Variants in PRKD1 observed in about 807,000 individuals in gnomAD.
PRKD1 encodes the protein serine/threonine-protein kinase D1.
In PRKD1, 63 loss-of-function variants were observed where a neutral mutation model predicts 95.9. That is an observed-to-expected ratio of 0.66 (90% CI 0.54 to 0.81). PRKD1 has a LOEUF of 0.81. Among genes scored for constraint, PRKD1 ranks in the 30% least tolerant of loss-of-function variants. PRKD1 has a pLI of 0.00. For missense variants in PRKD1, 1,048 were observed against 1,165.3 expected (o/e 0.90, Z 1.47); for synonymous variants, 425 against 423.1 (o/e 1.00, Z -0.05).
intron 1 of PRKD1, among the ~76,000 whole-genome samples, chr14:29,749,751 TA>T (rs998730406): frequency 2.0e-5 from 3 of 152,170 alleles, no homozygotes; most frequent in African/African-American, 7.2e-5. Flanking sequence ...AATTATTATA[TA>T]AGACAAGGAG....
intron 1 of PRKD1, among the ~76,000 whole-genome samples, chr14:29,754,832 G>A (rs1887625409): frequency 6.6e-6 from 1 of 152,032 alleles, no homozygotes; most frequent in African/African-American, 2.4e-5. Context: ...AATTTTTGAA[G>A]TTTAGTATTT....
intron 1 of PRKD1, among the ~76,000 whole-genome samples, chr14:29,911,416 G>A (rs1894709272): frequency 6.6e-6 from 1 of 152,102 alleles, no homozygotes; most frequent in Non-Finnish European, 1.5e-5. Flanking sequence ...TTAATAACTT[G>A]AATATTAAAT....
At chr14:29,757,656 AAAAT>A (rs1286736150) in intron 1 of PRKD1, among the ~76,000 whole-genome samples, 3 of 151,672 alleles carry the variant, frequency 2.0e-5, no homozygotes, top group African/African-American at 7.3e-5. Context: ...TTGGTTTTTA[AAAAT>A]AAACCAATTA....
At chr14:29,702,497 C>T (rs1048326656) in intron 2 of PRKD1, among the ~76,000 whole-genome samples, 1 of 151,988 alleles carries the variant, frequency 6.6e-6, no homozygotes, top group Non-Finnish European at 1.5e-5. Flanking sequence ...ACTTGCTACA[C>T]ATTTATCTCA....
At chr14:29,815,529 T>C (rs1469601791) in intron 1 of PRKD1, among the ~76,000 whole-genome samples, 1 of 152,184 alleles carries the variant, frequency 6.6e-6, no homozygotes, top group Non-Finnish European at 1.5e-5. Flanking sequence ...AGTCTAACCG[T>C]TATAAGATCC....
intron 1 of PRKD1, among the ~76,000 whole-genome samples, chr14:29,897,926 C>T (rs561612302): frequency 9.9e-5 from 15 of 152,162 alleles, no homozygotes; most frequent in African/African-American, 3.6e-4. Context: ...TTCTTGAAAA[C>T]AACCTTGTTA....
At chr14:29,668,724 A>T (rs45615933) in intron 2 of PRKD1, among the ~76,000 whole-genome samples, 3,967 of 152,300 alleles carry the variant, frequency 0.026, 144 homozygotes, top group African/African-American at 0.079. Flanking sequence ...TAAAATAACG[A>T]CAGATCTTCC....
intron 1 of PRKD1, among the ~76,000 whole-genome samples, chr14:29,729,546 TG>T (rs1319550878): frequency 6.6e-6 from 1 of 152,108 alleles, no homozygotes; most frequent in Non-Finnish European, 1.5e-5. Flanking sequence ...CTTTCTTTTT[TG>T]TTTGGTCTGG....
At chr14:29,579,878 T>G (rs1277600538) in intron 16 of PRKD1, among the ~76,000 whole-genome samples, 1 of 152,192 alleles carries the variant, frequency 6.6e-6, no homozygotes, top group East Asian at 1.9e-4. Context: ...TCCAAGCATG[T>G]GTTCTCAGAG....
At chr14:29,905,081 C>T (rs1031037146) in intron 1 of PRKD1, among the ~76,000 whole-genome samples, 20 of 152,146 alleles carry the variant, frequency 1.3e-4, no homozygotes, top group African/African-American at 4.8e-4. Flanking sequence ...AAATACATAC[C>T]AATGTACTTT....
At chr14:29,615,063 GACTT>G (rs1474798475) in intron 13 of PRKD1, among the ~76,000 whole-genome samples, 2 of 151,866 alleles carry the variant, frequency 1.3e-5, no homozygotes, top group African/African-American at 2.4e-5. Context: ...AGCAAGAAAA[GACTT>G]TAAAGTATAA....
intron 1 of PRKD1, among the ~76,000 whole-genome samples, chr14:29,751,752 C>T (rs952567662): frequency 4.6e-5 from 7 of 152,142 alleles, no homozygotes; most frequent in African/African-American, 1.4e-4. Flanking sequence ...TAAGTGCCCT[C>T]TCACTCTGAC....
chr14:29,718,384 T>G (rs1390141410), intron 2 of PRKD1, among the ~76,000 whole-genome samples: 1 of 124,106 alleles, frequency 8.1e-6, no homozygotes, highest in African/African-American at 4.0e-5. Context: ...TCTGCCATGA[T>G]TGCAAGTCTC....
Position 29,638,560 on chromosome 14 carries a change from C to G in PRKD1, c.914G>C (p.Arg305Thr). ...TGCACAACGTTTATGGCAGTTGAATCTGCAATCTAATCCCAGTGATTTTCA... is the reference window on the plus strand; with the variant it reads ...TGCACAACGTTTATGGCAGTTGAATGTGCAATCTAATCCCAGTGATTTTCA... Reference protein sequence around the residue: ...FRQGLQCKDCRFNCHKRCAPK... With the variant: ...FRQGLQCKDCTFNCHKRCAPK... The change falls in exon 6 of 18, where the codon AGA becomes ACA. Residue 305 changes from arginine (R) to threonine (T), a missense_variant. This residue lies in a region of PRKD1 where 739 missense variants were observed against 861.9 expected (regional missense o/e 0.86). Coordinates refer to ENST00000331968, the MANE Select transcript of PRKD1 (RefSeq NM_002742.3). The G allele has an allele frequency of 6.2e-7, 1 of 1,614,172 alleles. No individual in the cohort carries two copies.
intron 1 of PRKD1, among the ~76,000 whole-genome samples, chr14:29,740,260 A>G (rs973155049): frequency 2.0e-5 from 3 of 152,212 alleles, no homozygotes; most frequent in Non-Finnish European, 2.9e-5. Flanking sequence ...GAAGATTTTT[A>G]TATTTCATAA....
At chr14:29,892,359 A>C (rs748223981) in intron 1 of PRKD1, among the ~76,000 whole-genome samples, 2 of 151,352 alleles carry the variant, frequency 1.3e-5, no homozygotes, top group Non-Finnish European at 2.9e-5. Flanking sequence ...CAAATGGTTG[A>C]GGAAGTTTCT....
intron 4 of PRKD1, among the ~76,000 whole-genome samples, chr14:29,651,484 C>T (rs1222954628): frequency 1.3e-5 from 2 of 151,992 alleles, no homozygotes; most frequent in Admixed American, 1.3e-4. Context: ...ATCAGAATAC[C>T]ATGTCTAAGG....
chr14:29,927,516 T>A lies in PRKD1; in HGVS notation c.-4A>T, dbSNP rs1455626921. On this transcript the variant is annotated 5_prime_UTR_variant, in exon 1 of 18. Coordinates refer to ENST00000331968, the MANE Select transcript of PRKD1 (RefSeq NM_002742.3). ...GCAGGACCGGAGGGGCGCTCATCGC[T>A]CGGCGGGGCGCAGGGCCGGGCAGCG... 6 of 1,173,540 alleles carry A rather than the reference T, an allele frequency of 5.1e-6. No individual in the cohort carries two copies. In the East Asian group the frequency reaches 2.3e-4, roughly 46 times the overall value. 72.7% of individuals were successfully genotyped at this position (1,173,540 alleles called of 1,614,324 possible). A position where few individuals can be genotyped will look rare whatever the true frequency, so the allele number is the denominator to read the frequency against.
Position 29,616,582 on chromosome 14 carries a change from TACA to T in PRKD1, c.1905+7567_1905+7569del, listed in dbSNP as rs879360788. 4.2e-3 allele frequency among the ~76,000 whole-genome samples: 646 copies of T among 152,190 alleles called. 4 individuals carry two copies. Among genetic ancestry groups the T allele is most frequent in the African/African-American group, 0.015 (607 of 41,530 alleles). ...CCTCAGCCACCCAAGTAGCTGAGAC[TACA>T]GGTGCACACTACCAACCGACTTAAT... On this transcript the variant is annotated intron_variant, in intron 13 of 17. Coordinates refer to ENST00000331968, the MANE Select transcript of PRKD1 (RefSeq NM_002742.3).
Sources: allele counts gnomAD v4.1 joint callset (sites outside exome capture counted in the v4.1 genomes callset), GRCh38; gene constraint gnomAD v4.1.1; regional missense constraint gnomAD v4.1.1; transcripts MANE v1.5; gene names NCBI Gene and HGNC (gene_info 2026-07-23, HGNC 2026-07-21).